Variants in PCDHGB4 observed in about 807,000 individuals in gnomAD.
PCDHGB4 encodes the protein protocadherin gamma-B4.
A neutral mutation model predicts 60.5 loss-of-function variants in PCDHGB4; 38 were observed. The observed-to-expected ratio is 0.63, with a 90% CI of 0.48 to 0.82. The LOEUF is 0.82. Among genes scored for constraint, PCDHGB4 ranks in the 40% least tolerant of loss-of-function variants. The probability of loss-of-function intolerance (pLI) is 0.00; values close to 1 mark genes in which losing one functional copy is unlikely to be tolerated. For synonymous variants in PCDHGB4, 456 were observed against 509.7 expected, an observed-to-expected ratio of 0.89 and a Z score of 1.42; for missense variants, 1,109 against 1,209.6, an observed-to-expected ratio of 0.92 and a Z score of 1.23.
At chr5:141,439,622 TCC>T (rs1374759651) in intron 1 of PCDHGB4, among the ~76,000 whole-genome samples, 1 of 152,134 alleles carries the variant, frequency 6.6e-6, no homozygotes, top group Non-Finnish European at 1.5e-5. Context: ...AATGAGCCAA[TCC>T]CCAGACATTC....
In PCDHGB4 at chr5:141,477,868, C is replaced by T. The variant is rs1450078298; in HGVS notation, c.2398-16939C>T. 2 of 1,613,750 alleles carry T rather than the reference C, an allele frequency of 1.2e-6. No individual in the cohort carries two copies. Among genetic ancestry groups the T allele is most frequent in the Admixed American group, 3.3e-5 (2 of 59,988 alleles). On this transcript the variant is annotated intron_variant, in intron 1 of 3. Coordinates refer to ENST00000519479, the MANE Select transcript of PCDHGB4 (RefSeq NM_003736.4). This position sits in a 1 kb window ranked among gnomAD's most constrained non-coding sequence, Gnocchi z 4.9. ...CGGTGGAGATGCTGCCTCGAGGTAC[C>T]TCAGCTGGCCACCTAGTGTCACGGG...
rs558730748 is a variant in PCDHGB4, at chr5:141,469,995, G to A, written c.2398-24812G>A. Reference sequence around the variant, plus strand: ...AAAATACAAAAATTAGCTGGTCGTCGTGGCACGCCTGTAATCCCAGCTACT... The same window carrying A: ...AAAATACAAAAATTAGCTGGTCGTCATGGCACGCCTGTAATCCCAGCTACT... On this transcript the variant is annotated intron_variant, in intron 1 of 3. Coordinates refer to ENST00000519479, the MANE Select transcript of PCDHGB4 (RefSeq NM_003736.4). Among the ~76,000 whole-genome samples, 8 of 152,194 alleles carry A rather than the reference G, an allele frequency of 5.3e-5. No homozygotes were observed. In the East Asian group the frequency reaches 5.8e-4, roughly 11 times the overall value.
intron 1 of PCDHGB4, among the ~76,000 whole-genome samples, chr5:141,448,669 G>T: frequency 6.6e-6 from 1 of 152,136 alleles, no homozygotes; most frequent in East Asian, 1.9e-4. Flanking sequence ...GGCCGGGCGC[G>T]GTGGCTCACG....
chr5:141,444,350 T>C (rs1021358194), intron 1 of PCDHGB4, among the ~76,000 whole-genome samples: 7 of 151,946 alleles, frequency 4.6e-5, no homozygotes, highest in Admixed American at 2.0e-4. Context: ...TTTGTATTTT[T>C]AGTAGAGACG....
intron 1 of PCDHGB4, chr5:141,393,987 T>C (rs1361027983): frequency 1.2e-6 from 2 of 1,613,490 alleles, no homozygotes; most frequent in Admixed American, 3.3e-5. Flanking sequence ...TAATTTACCT[T>C]TTAAATTAGA....
chr5:141,404,291 G>C, intron 1 of PCDHGB4: 1 of 1,613,956 alleles, frequency 6.2e-7, no homozygotes, highest in Non-Finnish European at 8.5e-7. Context: ...TGACATCAAT[G>C]ATAATCCACC....
chr5:141,461,138 C>T (rs1416058747), intron 1 of PCDHGB4, among the ~76,000 whole-genome samples: 1 of 151,942 alleles, frequency 6.6e-6, no homozygotes, highest in East Asian at 1.9e-4. Flanking sequence ...ACTTATTTTC[C>T]TTTGGGTAGA....
intron 1 of PCDHGB4, among the ~76,000 whole-genome samples, chr5:141,420,727 G>C (rs1454487477): frequency 2.0e-5 from 3 of 152,180 alleles, no homozygotes; most frequent in African/African-American, 7.2e-5. Flanking sequence ...CTTTCAGTCG[G>C]TTAAAATCAA....
intron 1 of PCDHGB4, among the ~76,000 whole-genome samples, chr5:141,472,245 T>A (rs1217786736): frequency 6.6e-6 from 1 of 152,144 alleles, no homozygotes; most frequent in East Asian, 1.9e-4. Context: ...ACTTTCTATT[T>A]TAAAGTTATA....
chr5:141,458,413 G>T lies in PCDHGB4; in HGVS notation c.2398-36394G>T, dbSNP rs138479316. On this transcript the variant is annotated intron_variant, in intron 1 of 3. Coordinates refer to ENST00000519479, the MANE Select transcript of PCDHGB4 (RefSeq NM_003736.4). ...TCCCCCTTGCAGAGACGGAGCGGGG[G>T]TTCCAAAGCTGAAAGAGGAGGTCCC... Among the ~76,000 whole-genome samples the T allele has an allele frequency of 9.0e-4, 137 of 152,196 alleles. 5 individuals carry two copies. The East Asian group carries it at 0.026, about 28-fold the overall frequency.
intron 1 of PCDHGB4, chr5:141,399,029 A>G: frequency 6.2e-7 from 1 of 1,613,912 alleles, no homozygotes. Context: ...ACCACTCAAA[A>G]GAAACTGGAT....
chr5:141,485,106 TGGCTGTTTGGGGCGGGTC>T lies in PCDHGB4; in HGVS notation c.2398-9696_2398-9679del. 1 of 1,206,448 alleles carries T rather than the reference TGGCTGTTTGGGGCGGGTC, an allele frequency of 8.3e-7. No homozygotes were observed. The highest frequency in any genetic ancestry group is 1.2e-6 in the Non-Finnish European group (1 of 828,284). 74.7% of individuals were successfully genotyped at this position (1,206,448 alleles called of 1,614,324 possible). Reference sequence around the variant, plus strand: ...GGGAGATAGGTGTCTCCAGCTGCTGTGGCTGTTTGGGGCGGGTCGGCTTCATCCGCGTCTCAGGAGCAA... The same window carrying T: ...GGGAGATAGGTGTCTCCAGCTGCTGTGGCTTCATCCGCGTCTCAGGAGCAA... On this transcript the variant is annotated intron_variant, in intron 1 of 3. Coordinates refer to ENST00000519479, the MANE Select transcript of PCDHGB4 (RefSeq NM_003736.4). This position sits in a 1 kb window ranked among gnomAD's most constrained non-coding sequence, Gnocchi z 5.7.
chr5:141,510,141 T>C (rs1596266322), intron 3 of PCDHGB4, among the ~76,000 whole-genome samples: 1 of 152,014 alleles, frequency 6.6e-6, no homozygotes. Flanking sequence ...GGGCTAGTGG[T>C]GTGCACCTGT....
intron 3 of PCDHGB4, among the ~76,000 whole-genome samples, chr5:141,507,714 C>T (rs1425955843): frequency 6.6e-6 from 1 of 152,280 alleles, no homozygotes; most frequent in Non-Finnish European, 1.5e-5. Flanking sequence ...GCCCCAAACC[C>T]TCCAAGCAAG....
chr5:141,414,404 T>A, intron 1 of PCDHGB4: 1 of 1,613,886 alleles, frequency 6.2e-7, no homozygotes, highest in Non-Finnish European at 8.5e-7. Context: ...AGATTGGTGA[T>A]ACACAGAGCC....
intron 2 of PCDHGB4, among the ~76,000 whole-genome samples, chr5:141,501,802 C>T (rs2099811151): frequency 1.3e-5 from 2 of 152,154 alleles, no homozygotes; most frequent in Non-Finnish European, 2.9e-5. Context: ...ATCTCTTACC[C>T]AGCTTCACAT....
rs539727453 is a variant in PCDHGB4 at position 141,487,510 on chromosome 5, C to G, written c.2398-7297C>G. ...GCTGTACACCCTTGGCTTCTGCACC[C>G]ACTCGGAGTGATAGCTTCATGATGG... On this transcript the variant is annotated intron_variant, in intron 1 of 3. Coordinates refer to ENST00000519479, the MANE Select transcript of PCDHGB4 (RefSeq NM_003736.4). This position sits in a 1 kb window ranked among gnomAD's most constrained non-coding sequence, Gnocchi z 5.0. The G allele has an allele frequency of 2.5e-6, 4 of 1,614,210 alleles. No homozygotes were observed. The highest frequency in any genetic ancestry group is 2.2e-5 in the East Asian group (1 of 44,860).
intron 1 of PCDHGB4, chr5:141,414,230 C>G (rs367888906): frequency 6.2e-7 from 1 of 1,613,190 alleles, no homozygotes; most frequent in Non-Finnish European, 8.5e-7. Flanking sequence ...CCAGAGCTGA[C>G]CATCACGTCT....
At chr5:141,415,895 G>A in intron 1 of PCDHGB4, 1 of 898,210 alleles carries the variant, frequency 1.1e-6, no homozygotes, top group Non-Finnish European at 1.5e-6. Flanking sequence ...CAATTCCTAA[G>A]ACAGACTTCC....
Sources: gnomAD v4.1 joint callset for allele counts (sites outside exome capture counted in the v4.1 genomes callset) on GRCh38, gnomAD v4.1.1 for gene constraint, Gnocchi (gnomAD v3.1) non-coding constraint, MANE v1.5 for transcripts, NCBI Gene and HGNC (gene_info 2026-07-23, HGNC 2026-07-21) for gene names.